Variants in PRKAR1B observed in about 807,000 individuals in gnomAD.
PRKAR1B encodes protein kinase cAMP-dependent type I regulatory subunit beta, also known as cAMP-dependent protein kinase type I-beta regulatory subunit.
A neutral mutation model predicts 46.5 loss-of-function variants in PRKAR1B; 22 were observed. The ratio of observed to expected loss-of-function variants is 0.47; its 90% CI spans 0.34 to 0.68. PRKAR1B has a LOEUF of 0.68. Among genes scored for constraint, PRKAR1B ranks in the 30% least tolerant of loss-of-function variants. PRKAR1B has a pLI of 0.01. For missense variants in PRKAR1B, 445 were observed against 535.6 expected (o/e 0.83, Z 1.67); for synonymous variants, 259 against 217.7 (o/e 1.19, Z -1.67).
In PRKAR1B at chr7:644,615, C is replaced by A. The variant is rs1025166493; in HGVS notation, c.440+32614G>T. On this transcript the variant is annotated intron_variant, in intron 4 of 10. Transcript: ENST00000537384. This position sits in a 1 kb window ranked among gnomAD's most constrained non-coding sequence, Gnocchi z 4.9. ...TGCCCACAACTGGAAGGAAGCAATGCAGGGCCGTTCTCAGCCTCAGCAGCT... is the reference window on the plus strand; with the variant it reads ...TGCCCACAACTGGAAGGAAGCAATGAAGGGCCGTTCTCAGCCTCAGCAGCT... Among the ~76,000 whole-genome samples, 1 of 152,210 alleles carries A rather than the reference C, an allele frequency of 6.6e-6. No homozygotes were observed. The highest frequency in any genetic ancestry group is 2.4e-5 in the African/African-American group (1 of 41,458).
chr7:713,416 G>A lies in PRKAR1B; in HGVS notation c.-22-1889C>T, dbSNP rs79722223. 3.4e-4 allele frequency among the ~76,000 whole-genome samples: 52 copies of A among 151,778 alleles called. No homozygotes were observed. The East Asian group carries it at 9.5e-3, about 28-fold the overall frequency. Reference sequence around the variant, plus strand: ...CGGCTTCCCTGTTGCCTACTCACCTGTCTCCCACTATGCTGCCCCATCTTC... The same window carrying A: ...CGGCTTCCCTGTTGCCTACTCACCTATCTCCCACTATGCTGCCCCATCTTC... On this transcript the variant is annotated intron_variant, in intron 1 of 10. Transcript: ENST00000537384.
chr7:620,017 CTTTTTTT>C (rs71016891), intron 4 of PRKAR1B, among the ~76,000 whole-genome samples: 2 of 131,026 alleles, frequency 1.5e-5, no homozygotes, highest in Non-Finnish European at 3.2e-5. Context: ...TACCCAGCTA[CTTTTTTT>C]TTTTTTTTTT....
At chr7:594,008 A>G (rs1275479245) in intron 7 of PRKAR1B, among the ~76,000 whole-genome samples, 2 of 152,070 alleles carry the variant, frequency 1.3e-5, no homozygotes, top group Non-Finnish European at 2.9e-5. Context: ...CAGCTGGCCC[A>G]TGGCCATCAA....
intron 4 of PRKAR1B, among the ~76,000 whole-genome samples, chr7:625,666 A>C (rs1281614541): frequency 6.6e-6 from 1 of 152,158 alleles, no homozygotes; most frequent in Non-Finnish European, 1.5e-5. Context: ...TGGACAAGGG[A>C]CACCACTACA....
chr7:599,259 A>G (rs771429397), intron 6 of PRKAR1B, among the ~76,000 whole-genome samples: 1 of 151,920 alleles, frequency 6.6e-6, no homozygotes, highest in Non-Finnish European at 1.5e-5. Context: ...GCTGGTACGC[A>G]AAGGGGCTAC....
chr7:709,528 G>A (rs1483369142), intron 2 of PRKAR1B, among the ~76,000 whole-genome samples: 2 of 151,618 alleles, frequency 1.3e-5, no homozygotes, highest in African/African-American at 2.4e-5. Context: ...CTGCCACCTC[G>A]CCCGGCTAAT....
chr7:682,786 G>C (rs1001648277), intron 2 of PRKAR1B, among the ~76,000 whole-genome samples: 10 of 152,048 alleles, frequency 6.6e-5, no homozygotes, highest in African/African-American at 2.2e-4. Context: ...ATTTCAACCT[G>C]TCCTAACAGA....
intron 2 of PRKAR1B, among the ~76,000 whole-genome samples, chr7:705,842 C>G (rs1021798668): frequency 6.6e-6 from 1 of 152,152 alleles, no homozygotes; most frequent in African/African-American, 2.4e-5. Flanking sequence ...CACTGACCAA[C>G]GTGCTGAAAC....
chr7:692,659 G>A (rs1236894311), intron 2 of PRKAR1B, among the ~76,000 whole-genome samples: 3 of 152,160 alleles, frequency 2.0e-5, no homozygotes, highest in Admixed American at 1.3e-4. Flanking sequence ...GCAGTCGCCC[G>A]GGAGAAACAG....
chr7:563,097 G>A (rs534635948), intron 9 of PRKAR1B, among the ~76,000 whole-genome samples: 5 of 152,256 alleles, frequency 3.3e-5, no homozygotes, highest in South Asian at 4.1e-4. Flanking sequence ...GCCTGGGCCC[G>A]GAACTGACAC....
In PRKAR1B at chr7:705,191, C is replaced by CT. The variant is rs1453819611; in HGVS notation, c.177+6137dup. ...CCTGTAATCCTAGCTATCCGGGAGGCTGAGGCAGGAAAATCGCTTGAAAAT... is the reference window on the plus strand; with the variant it reads ...CCTGTAATCCTAGCTATCCGGGAGGCTTGAGGCAGGAAAATCGCTTGAAAAT... On this transcript the variant is annotated intron_variant, in intron 2 of 10. Coordinates refer to ENST00000537384, the MANE Select transcript of PRKAR1B (RefSeq NM_001164760.2). Among the ~76,000 whole-genome samples the CT allele has an allele frequency of 2.0e-5, 3 of 151,790 alleles. No individual in the cohort carries two copies. In the East Asian group the frequency reaches 5.8e-4, roughly 30 times the overall value.
intron 4 of PRKAR1B, among the ~76,000 whole-genome samples, chr7:653,855 A>G (rs1470396798): frequency 6.6e-6 from 1 of 152,050 alleles, no homozygotes; most frequent in Non-Finnish European, 1.5e-5. Flanking sequence ...CACTATCACC[A>G]TCATCACCAA....
rs535995120 is a variant in PRKAR1B, at chr7:642,697, C to T, written c.440+34532G>A. Among the ~76,000 whole-genome samples, 864 of 149,494 alleles carry T rather than the reference C, an allele frequency of 5.8e-3. 2 individuals carry two copies. Among genetic ancestry groups the T allele is most frequent in the Middle Eastern group, 0.01 (3 of 294 alleles). Reference sequence around the variant, plus strand: ...CCAGTGAGCCGAGATCCCGCCACTGCACTCCAGCCTGGGCGACAGAGCGAG... The same window carrying T: ...CCAGTGAGCCGAGATCCCGCCACTGTACTCCAGCCTGGGCGACAGAGCGAG... On this transcript the variant is annotated intron_variant, in intron 4 of 10. Transcript: ENST00000537384.
Position 550,384 on chromosome 7 carries a change from A to C in PRKAR1B, c.*46T>G, listed in dbSNP as rs1784104477. ...GGCCCCCGACACAGACGAGCAGGGC[A>C]CGGCCACCACACTGGGGAGCTGGGG... is the stretch of plus-strand genomic sequence containing the variant. On this transcript the variant is annotated 3_prime_UTR_variant, in exon 11 of 11. Transcript: ENST00000537384. 1 of 1,539,368 alleles carries C rather than the reference A, an allele frequency of 6.5e-7. No individual in the cohort carries two copies.
chr7:603,609 G>C (rs13312355), intron 6 of PRKAR1B, among the ~76,000 whole-genome samples: 28 of 124,980 alleles, frequency 2.2e-4, no homozygotes, highest in African/African-American at 1.0e-3. Flanking sequence ...CCAGGACCCA[G>C]AGTGGAGGTG....
intron 4 of PRKAR1B, among the ~76,000 whole-genome samples, chr7:669,681 T>C (rs1786116510): frequency 1.3e-5 from 2 of 151,436 alleles, no homozygotes; most frequent in South Asian, 4.2e-4. Flanking sequence ...GGAGAATCAC[T>C]TGAACCCAGG....
chr7:659,800 G>A (rs534813763), intron 4 of PRKAR1B, among the ~76,000 whole-genome samples: 4 of 152,200 alleles, frequency 2.6e-5, no homozygotes, highest in South Asian at 2.1e-4. Context: ...TCCACCTCCC[G>A]GGCTTAAGCG....
intron 4 of PRKAR1B, among the ~76,000 whole-genome samples, chr7:646,984 C>T (rs1784650447): frequency 6.6e-6 from 1 of 152,184 alleles, no homozygotes; most frequent in African/African-American, 2.4e-5. Context: ...CTGCCCCCCA[C>T]TCCTGGCCCA....
intron 4 of PRKAR1B, among the ~76,000 whole-genome samples, chr7:648,746 C>T (rs185619408): frequency 6.6e-6 from 1 of 152,094 alleles, no homozygotes; most frequent in Non-Finnish European, 1.5e-5. Flanking sequence ...TGCACCATTG[C>T]ACTCCAGCCT....
Sources: allele counts gnomAD v4.1 joint callset (sites outside exome capture counted in the v4.1 genomes callset), GRCh38; gene constraint gnomAD v4.1.1; non-coding constraint Gnocchi (gnomAD v3.1); transcripts MANE v1.5; gene names NCBI Gene and HGNC (gene_info 2026-07-23, HGNC 2026-07-21).